The following CSMD1 variants were observed in gnomAD, a reference collection of about 807,000 sequenced individuals.
CSMD1 encodes CUB and Sushi multiple domains 1.
A neutral mutation model predicts 417.5 loss-of-function variants in CSMD1; 213 were observed. The observed-to-expected ratio is 0.51, with a 90% CI of 0.46 to 0.57. CSMD1 has a LOEUF of 0.57. CSMD1 is among the 20% of genes least tolerant of loss of function. The pLI is 0.00. For missense variants in CSMD1, 6,923 were observed against 4,529.7 expected, an observed-to-expected ratio of 1.53 and a Z score of -15.17; for synonymous variants, 2,862 against 1,736.8, an observed-to-expected ratio of 1.65 and a Z score of -16.11.
chr8:4,578,599 G>T (rs769418063), intron 2 of CSMD1, among the ~76,000 whole-genome samples: 12 of 151,168 alleles, frequency 7.9e-5, no homozygotes, highest in South Asian at 2.1e-4. Flanking sequence ...GGCGGTTCAC[G>T]AGGTCAGGAG....
intron 10 of CSMD1, among the ~76,000 whole-genome samples, chr8:3,496,753 G>C (rs1285454533): frequency 6.6e-6 from 1 of 152,062 alleles, no homozygotes; most frequent in Non-Finnish European, 1.5e-5. Context: ...TTGAACCTGG[G>C]AGGTGGAGGT....
intron 7 of CSMD1, among the ~76,000 whole-genome samples, chr8:3,641,401 G>A (rs957658225): frequency 2.6e-5 from 4 of 152,108 alleles, no homozygotes; most frequent in Admixed American, 6.6e-5. Context: ...GATCTTAGAA[G>A]CAGAAATAAA....
rs561125530 is a variant in CSMD1, at chr8:4,127,283, G to C, written c.416-95184C>G. Among the ~76,000 whole-genome samples, 12 of 151,738 alleles carry C rather than the reference G, an allele frequency of 7.9e-5. No individual in the cohort carries two copies. In the East Asian group the frequency reaches 2.3e-3, roughly 29 times the overall value. ...CCCCGCTCCAGGTTATTCTCATGCG[G>C]CTCCCTCTGCTTTTCAGATTTCTTA... On this transcript the variant is annotated intron_variant, in intron 3 of 69. Transcript: ENST00000635120.
chr8:3,532,758 C>G, intron 10 of CSMD1, among the ~76,000 whole-genome samples: 1 of 152,124 alleles, frequency 6.6e-6, no homozygotes, highest in South Asian at 2.1e-4. Context: ...AATATATAGA[C>G]AACATAATAA....
At chr8:3,535,053 G>T (rs1324372941) in intron 10 of CSMD1, among the ~76,000 whole-genome samples, 1 of 152,140 alleles carries the variant, frequency 6.6e-6, no homozygotes. Flanking sequence ...GCTTAAGCCA[G>T]TCTCCTGCCT....
chr8:4,441,009 T>A (rs1366474880), intron 2 of CSMD1, among the ~76,000 whole-genome samples: 4 of 146,612 alleles, frequency 2.7e-5, no homozygotes, highest in South Asian at 4.4e-4. Context: ...AAAAAAAAAA[T>A]TAAAAATATT....
At chr8:3,669,342 G>T (rs1798864892) in intron 7 of CSMD1, among the ~76,000 whole-genome samples, 1 of 152,120 alleles carries the variant, frequency 6.6e-6, no homozygotes, top group East Asian at 1.9e-4. Context: ...TCAGGCCCAT[G>T]CTTCAGAGCC....
chr8:4,581,047 A>C (rs1799393422), intron 2 of CSMD1, among the ~76,000 whole-genome samples: 1 of 152,344 alleles, frequency 6.6e-6, no homozygotes. Context: ...CCATGGAGCA[A>C]AGACTGCATA....
intron 3 of CSMD1, among the ~76,000 whole-genome samples, chr8:4,121,835 CA>C (rs1037667524): frequency 2.6e-5 from 4 of 151,580 alleles, no homozygotes; most frequent in Non-Finnish European, 5.9e-5. Flanking sequence ...TTGGGGGGGA[CA>C]AAAAAAGCAT....
chr8:3,647,315 T>A (rs527521707), intron 7 of CSMD1, among the ~76,000 whole-genome samples: 5 of 152,190 alleles, frequency 3.3e-5, no homozygotes, highest in African/African-American at 9.6e-5. Context: ...CTGGGTTGTA[T>A]CCTTGGCCAG....
intron 38 of CSMD1, among the ~76,000 whole-genome samples, chr8:3,161,181 A>G (rs181740881): frequency 6.6e-6 from 1 of 152,312 alleles, no homozygotes; most frequent in African/African-American, 2.4e-5. Context: ...GAATTATATA[A>G]TAATTATGCT....
intron 5 of CSMD1, among the ~76,000 whole-genome samples, chr8:3,831,058 G>A (rs192495614): frequency 1.3e-3 from 200 of 152,244 alleles, no homozygotes; most frequent in Non-Finnish European, 2.5e-3. Context: ...TTGGGTGTTG[G>A]AAATGTCCAG....
intron 7 of CSMD1, among the ~76,000 whole-genome samples, chr8:3,701,586 A>G (rs1197912823): frequency 1.3e-5 from 2 of 152,126 alleles, no homozygotes; most frequent in Admixed American, 6.5e-5. Context: ...TTGTTCATAA[A>G]TTATTCCAAA....
chr8:4,927,250 G>A, intron 1 of CSMD1, among the ~76,000 whole-genome samples: 1 of 151,876 alleles, frequency 6.6e-6, no homozygotes, highest in Non-Finnish European at 1.5e-5. Flanking sequence ...TAGAGACAGG[G>A]TTTCACCATC....
chr8:3,074,049 C>G (rs371011494), intron 49 of CSMD1, among the ~76,000 whole-genome samples: 4 of 152,218 alleles, frequency 2.6e-5, no homozygotes, highest in African/African-American at 9.7e-5. Context: ...GGGCTGCTTT[C>G]TCACCTGGAG....
At chr8:2,978,210 C>G (rs114310984) in intron 55 of CSMD1, among the ~76,000 whole-genome samples, 1 of 152,300 alleles carries the variant, frequency 6.6e-6, no homozygotes, top group African/African-American at 2.4e-5. Context: ...AAACTCCACA[C>G]CAGAGCACTT....
intron 3 of CSMD1, among the ~76,000 whole-genome samples, chr8:4,403,989 G>T (rs1804837456): frequency 6.6e-6 from 1 of 152,034 alleles, no homozygotes; most frequent in African/African-American, 2.4e-5. Context: ...CCTTTCTCAG[G>T]TCAACCAATC....
chr8:4,881,920 G>C (rs57867339), intron 1 of CSMD1, among the ~76,000 whole-genome samples: 14,736 of 151,884 alleles, frequency 0.097, 815 homozygotes, highest in Middle Eastern at 0.12. Context: ...CACTTTTGTG[G>C]GGTTCTTCTT....
At chr8:3,595,110 G>C (rs575576261) in intron 8 of CSMD1, among the ~76,000 whole-genome samples, 62 of 152,278 alleles carry the variant, frequency 4.1e-4, no homozygotes, top group Admixed American at 1.9e-3. Context: ...TGTCCTATAA[G>C]GGAGTTTTTA....
Sources: gnomAD v4.1 joint callset for allele counts (sites outside exome capture counted in the v4.1 genomes callset) on GRCh38, gnomAD v4.1.1 for gene constraint, MANE v1.5 for transcripts, NCBI Gene and HGNC (gene_info 2026-07-23, HGNC 2026-07-21) for gene names.